NRCAM: variants seen among roughly 807,000 people sequenced by gnomAD.
NRCAM encodes neuronal cell adhesion molecule, also known as NgCAM-related cell adhesion molecule.
Under a neutral mutation model 156.5 loss-of-function variants are expected in NRCAM, and 83 were observed. The ratio of observed to expected loss-of-function variants is 0.53; its 90% CI spans 0.44 to 0.64. NRCAM has a LOEUF of 0.64. Ranked by LOEUF, NRCAM falls within the 30% of genes least tolerant of loss-of-function variation. The pLI is 0.00. For synonymous variants in NRCAM, 538 were observed against 563.9 expected, an observed-to-expected ratio of 0.95 and a Z score of 0.65; for missense variants, 1,417 against 1,597.3, an observed-to-expected ratio of 0.89 and a Z score of 1.92.
chr7:108,210,298 G>A (rs1301252352), intron 11 of NRCAM, among the ~76,000 whole-genome samples: 2 of 151,316 alleles, frequency 1.3e-5, no homozygotes, highest in African/African-American at 4.9e-5. Flanking sequence ...CCAGGCTGGA[G>A]TGCAGTGGCA....
chr7:108,308,628 G>C (rs1215344492), intron 3 of NRCAM, among the ~76,000 whole-genome samples: 1 of 152,196 alleles, frequency 6.6e-6, no homozygotes, highest in Non-Finnish European at 1.5e-5. Context: ...TAATGCCACT[G>C]TTTTCATCAT....
chr7:108,304,404 T>TTAG (rs2098683732), intron 3 of NRCAM, among the ~76,000 whole-genome samples: 3 of 150,088 alleles, frequency 2.0e-5, no homozygotes, highest in Non-Finnish European at 3.0e-5. Flanking sequence ...TTTTTTTTGA[T>TTAG]GTACATATGT....
intron 5 of NRCAM, among the ~76,000 whole-genome samples, chr7:108,235,040 T>C (rs17155280): frequency 0.069 from 10,480 of 152,242 alleles, 512 homozygotes; most frequent in African/African-American, 0.12. Flanking sequence ...ATGATGTTTT[T>C]CAAAGGAATT....
At chr7:108,287,980 A>G (rs1017828075) in intron 3 of NRCAM, among the ~76,000 whole-genome samples, 1 of 152,166 alleles carries the variant, frequency 6.6e-6, no homozygotes, top group Non-Finnish European at 1.5e-5. Flanking sequence ...GTGTCCATCA[A>G]TGGATTGGAT....
In NRCAM at chr7:108,349,459, G is replaced by A. The variant is rs911323045; in HGVS notation, c.-173-36728C>T. On this transcript the variant is annotated intron_variant, in intron 2 of 32. Coordinates refer to ENST00000379028, the MANE Select transcript of NRCAM (RefSeq NM_001037132.4). ...AATTTTTTGTATTTTTAGTAGAGAC[G>A]GGGTTTCACTGTGTTAGCCAGGAAG... is the stretch of plus-strand genomic sequence containing the variant. 9.2e-5 allele frequency among the ~76,000 whole-genome samples: 14 copies of A among 151,760 alleles called. 1 individual carries two copies. The highest frequency in any genetic ancestry group is 4.2e-4 in the South Asian group (2 of 4,790).
chr7:108,184,444 A>G lies in NRCAM; in HGVS notation c.2206T>C (p.Ser736Pro). ...SIGKSLPSEA[S>P]EQYLTKASEP... ...GAGGCTTTCGTCAAATACTGCTCAG[A>G]CGCCTCGCTGGGCAAGCTCTTCCCA... The change falls in exon 21 of 33, where the codon TCT (serine) becomes CCT (proline). Residue 736 changes from serine (S) to proline (P), a missense_variant. Ser to Pro is a moderately conservative substitution (Grantham distance 74, BLOSUM62 -1). Transcript: ENST00000379028. 6.2e-7 allele frequency: 1 copy of G among 1,614,160 alleles called. No homozygotes were observed. Among genetic ancestry groups the G allele is most frequent in the Non-Finnish European group, 8.5e-7 (1 of 1,180,038 alleles).
chr7:108,217,289 G>C (rs1179619758), intron 11 of NRCAM, among the ~76,000 whole-genome samples: 1 of 152,180 alleles, frequency 6.6e-6, no homozygotes, highest in Non-Finnish European at 1.5e-5. Flanking sequence ...CCCTCCTCTG[G>C]ATGCTTCATC....
intron 3 of NRCAM, among the ~76,000 whole-genome samples, chr7:108,268,876 G>A (rs1228621387): frequency 6.6e-6 from 1 of 152,150 alleles, no homozygotes; most frequent in Non-Finnish European, 1.5e-5. Flanking sequence ...TACATGCATG[G>A]CACTTTGTGC....
chr7:108,183,536 C>T (rs2079710), intron 22 of NRCAM, among the ~76,000 whole-genome samples: 101,714 of 150,252 alleles, frequency 0.68, 36,529 homozygotes, highest in East Asian at 0.96. Flanking sequence ...TTCCAGGTGG[C>T]TCTTTTTTTT....
intron 13 of NRCAM, among the ~76,000 whole-genome samples, chr7:108,202,867 G>A (rs573961221): frequency 6.6e-6 from 1 of 152,262 alleles, no homozygotes; most frequent in African/African-American, 2.4e-5. Context: ...CAATAACGGT[G>A]TGATCTTATC....
At chr7:108,402,399 T>C (rs1002130462) in intron 1 of NRCAM, among the ~76,000 whole-genome samples, 1 of 152,272 alleles carries the variant, frequency 6.6e-6, no homozygotes, top group Non-Finnish European at 1.5e-5. Flanking sequence ...TCTGACACCT[T>C]AGGCATATCC....
chr7:108,165,717 T>C (rs941982957), intron 30 of NRCAM, among the ~76,000 whole-genome samples: 1 of 152,250 alleles, frequency 6.6e-6, no homozygotes, highest in Non-Finnish European at 1.5e-5. Context: ...TATAGTTTAA[T>C]ACATTATTGT....
At chr7:108,190,212 C>T (rs987681000) in intron 19 of NRCAM, among the ~76,000 whole-genome samples, 1 of 152,190 alleles carries the variant, frequency 6.6e-6, no homozygotes, top group Non-Finnish European at 1.5e-5. Flanking sequence ...TTTTGGGGCT[C>T]TGAAAGAATA....
At chr7:108,268,221 A>T (rs1322220772) in intron 3 of NRCAM, among the ~76,000 whole-genome samples, 1 of 152,224 alleles carries the variant, frequency 6.6e-6, no homozygotes, top group Non-Finnish European at 1.5e-5. Context: ...GAATCATCAC[A>T]AACAGAACTT....
intron 1 of NRCAM, among the ~76,000 whole-genome samples, chr7:108,416,508 C>A (rs2154427114): frequency 6.6e-6 from 1 of 152,112 alleles, no homozygotes; most frequent in Non-Finnish European, 1.5e-5. Context: ...CATGTTCTGG[C>A]CAGGAGACAA....
At chr7:108,390,487 C>A (rs998124036) in intron 2 of NRCAM, among the ~76,000 whole-genome samples, 1 of 151,978 alleles carries the variant, frequency 6.6e-6, no homozygotes, top group Non-Finnish European at 1.5e-5. Context: ...GTCTTGCTAG[C>A]AGTCTATCAA....
intron 5 of NRCAM, among the ~76,000 whole-genome samples, chr7:108,236,861 G>A (rs1214135191): frequency 6.6e-6 from 1 of 152,068 alleles, no homozygotes; most frequent in Non-Finnish European, 1.5e-5. Context: ...GAGTGACTCA[G>A]TTCAATTCCT....
chr7:108,211,087 C>G (rs113619306), intron 11 of NRCAM, among the ~76,000 whole-genome samples: 3 of 152,150 alleles, frequency 2.0e-5, no homozygotes, highest in African/African-American at 7.2e-5. Flanking sequence ...CTGCAGGACC[C>G]GGGAGATATC....
intron 1 of NRCAM, among the ~76,000 whole-genome samples, chr7:108,435,378 T>G (rs1309586091): frequency 6.6e-6 from 1 of 152,022 alleles, no homozygotes; most frequent in Non-Finnish European, 1.5e-5. Context: ...GGAAAAAGTT[T>G]TAAGAAAAAT....
Sources: allele counts gnomAD v4.1 joint callset (sites outside exome capture counted in the v4.1 genomes callset), GRCh38; gene constraint gnomAD v4.1.1; transcripts MANE v1.5; gene names NCBI Gene and HGNC (gene_info 2026-07-23, HGNC 2026-07-21).